Variants in FBXO31 observed in about 807,000 individuals in gnomAD.
FBXO31 encodes the protein F-box only protein 31.
A neutral mutation model predicts 54.4 loss-of-function variants in FBXO31; 24 were observed. The ratio of observed to expected loss-of-function variants is 0.44; its 90% confidence interval spans 0.32 to 0.62. The LOEUF is 0.62. Ranked by LOEUF, FBXO31 falls within the 20% of genes least tolerant of loss-of-function variation. The probability of loss-of-function intolerance (pLI) is 0.05; values close to 1 mark genes in which losing one functional copy is unlikely to be tolerated. For synonymous variants in FBXO31, 388 were observed against 335.6 expected, an observed-to-expected ratio of 1.16 and a Z score of -1.71; for missense variants, 665 against 787.1, an observed-to-expected ratio of 0.84 and a Z score of 1.86.
chr16:87,351,713 A>T (rs1285175707), intron 2 of FBXO31, among the ~76,000 whole-genome samples: 1 of 152,134 alleles, frequency 6.6e-6, no homozygotes, highest in East Asian at 1.9e-4. Context: ...TACTAAAAAT[A>T]AAAAAATTAG....
intron 5 of FBXO31, among the ~76,000 whole-genome samples, chr16:87,339,610 C>T (rs1205087966): frequency 6.6e-6 from 1 of 152,158 alleles, no homozygotes; most frequent in Non-Finnish European, 1.5e-5. Flanking sequence ...TGTCAACTCC[C>T]GGAGGGGGAG....
At chr16:87,390,773 T>C (rs1810807253), upstream of FBXO31, among the ~76,000 whole-genome samples, 1 of 151,990 alleles carries the variant, frequency 6.6e-6, no homozygotes, top group African/African-American at 2.4e-5. Flanking sequence ...TTTTCTTCTT[T>C]TTTGTGGAGG....
intron 1 of FBXO31, among the ~76,000 whole-genome samples, chr16:87,376,808 CT>C (rs1377588769): frequency 1.3e-5 from 2 of 152,214 alleles, no homozygotes; most frequent in East Asian, 3.8e-4. Flanking sequence ...GGGGCCAGCC[CT>C]GTTTCTCACT....
chr16:87,338,762 C>T lies in FBXO31; in HGVS notation c.733-2498G>A, dbSNP rs1308816723. ...CTGTCCAGAGCCTGGCCCCTCCAAC[C>T]TCCCTGGGCAGACAGGACTCCACTC... On this transcript the variant is annotated intron_variant, in intron 5 of 8. Transcript: ENST00000311635. This position sits in a 1 kb window ranked among gnomAD's most constrained non-coding sequence, Gnocchi z 4.3. Among the ~76,000 whole-genome samples, 1 of 152,120 alleles carries T rather than the reference C, an allele frequency of 6.6e-6. No homozygotes were observed. Among genetic ancestry groups the T allele is most frequent in the Admixed American group, 6.5e-5 (1 of 15,284 alleles).
At chr16:87,380,599 G>A (rs1351909130) in intron 1 of FBXO31, among the ~76,000 whole-genome samples, 1 of 152,144 alleles carries the variant, frequency 6.6e-6, no homozygotes, top group South Asian at 2.1e-4. Flanking sequence ...TGTTGCCGAG[G>A]CTGGTCTTGA....
chr16:87,364,595 G>A (rs1029627387), intron 1 of FBXO31, among the ~76,000 whole-genome samples: 2 of 152,134 alleles, frequency 1.3e-5, no homozygotes, highest in African/African-American at 2.4e-5. Context: ...CTGCCCACCC[G>A]TCAGACTGAG....
chr16:87,336,134 C>T lies in FBXO31; in HGVS notation c.842+21G>A. 6.9e-6 allele frequency: 11 copies of T among 1,604,636 alleles called. No homozygotes were observed. The highest frequency in any genetic ancestry group is 9.4e-6 in the Non-Finnish European group (11 of 1,171,584). On this transcript the variant is annotated intron_variant, in intron 6 of 8. Coordinates refer to ENST00000311635, the MANE Select transcript of FBXO31 (RefSeq NM_024735.5). This position sits in a 1 kb window ranked among gnomAD's most constrained non-coding sequence, Gnocchi z 6.5. ...ACACCAGGAGAGGGCTACCCCAGCACCGAGCAGGAGCCGCACTCACTCGTA... is the reference window on the plus strand; with the variant it reads ...ACACCAGGAGAGGGCTACCCCAGCATCGAGCAGGAGCCGCACTCACTCGTA...
Position 87,335,547 on chromosome 16 carries a change from CGGGGTAGGGCGGG to C in FBXO31, c.843-103_843-91del. The C allele has an allele frequency of 1.9e-5, 8 of 416,438 alleles. No individual in the cohort carries two copies. The highest frequency in any genetic ancestry group is 1.3e-4 in the East Asian group (2 of 14,860). The allele number at this position is 416,438 out of a possible 1,614,324, so 25.8% of individuals were successfully genotyped here. A position where few individuals can be genotyped will look rare whatever the true frequency, so the allele number is the denominator to read the frequency against. On this transcript the variant is annotated intron_variant, in intron 6 of 8. Transcript: ENST00000311635. This position sits in a 1 kb window ranked among gnomAD's most constrained non-coding sequence, Gnocchi z 5.7. ...GGTGCCAGGGATGAGCTTTGCAGGG[CGGGGTAGGGCGGG>C]CAGCTCAGCTCAACCAGGGCCAGGT...
chr16:87,333,660 T>C (rs1438761632), intron 8 of FBXO31, among the ~76,000 whole-genome samples: 3 of 151,946 alleles, frequency 2.0e-5, no homozygotes, highest in Admixed American at 2.0e-4. Flanking sequence ...CCAGAAGGGG[T>C]GGAAGGACAG....
intron 1 of FBXO31, among the ~76,000 whole-genome samples, chr16:87,382,053 A>C (rs1907102410): frequency 6.6e-6 from 1 of 151,928 alleles, no homozygotes; most frequent in Non-Finnish European, 1.5e-5. Flanking sequence ...AGTGCATCCC[A>C]CCGAGACAAT....
rs144098720 is a variant in FBXO31 at position 87,374,777 on chromosome 16, TC to T, written c.340+8627del. On this transcript the variant is annotated intron_variant, in intron 1 of 8. Coordinates refer to ENST00000311635, the MANE Select transcript of FBXO31 (RefSeq NM_024735.5). ...AGGGAGGAGTACGCGCCTGAGTCAT[TC>T]CTGTTTTTAAATGTAATCTTTTGTT... Among the ~76,000 whole-genome samples the T allele has an allele frequency of 7.5e-3, 1,142 of 152,322 alleles. 18 individuals carry two copies. The highest frequency in any genetic ancestry group is 0.027 in the African/African-American group (1,103 of 41,570).
At chr16:87,363,180 T>A (rs940905329) in intron 1 of FBXO31, among the ~76,000 whole-genome samples, 4 of 151,886 alleles carry the variant, frequency 2.6e-5, no homozygotes, top group Admixed American at 2.6e-4. Flanking sequence ...AGGTTGGGAG[T>A]TCGAGATCAG....
intron 1 of FBXO31, among the ~76,000 whole-genome samples, chr16:87,379,971 C>G (rs1907000872): frequency 6.6e-6 from 1 of 150,952 alleles, no homozygotes; most frequent in African/African-American, 2.4e-5. Context: ...GCACTCCAGC[C>G]TGGGCAAGAG....
upstream of FBXO31, among the ~76,000 whole-genome samples, chr16:87,387,932 G>T (rs1374013668): frequency 6.6e-6 from 1 of 152,176 alleles, no homozygotes; most frequent in Admixed American, 6.5e-5. Context: ...TGGAAAGAAG[G>T]GAAAATATTC....
chr16:87,383,351 C>T lies in FBXO31; in HGVS notation c.340+54G>A, dbSNP rs1907169302. The T allele has an allele frequency of 6.3e-6, 9 of 1,427,460 alleles. No homozygotes were observed. The highest frequency in any genetic ancestry group is 6.6e-6 in the Non-Finnish European group (7 of 1,059,734). 88.4% of individuals were successfully genotyped at this position (1,427,460 alleles called of 1,614,324 possible). ...CCCGCCACTCCCAGCTCCGAGGCCTCCACCTGGCAGGGACCCCCCGCCCCT... is the reference window on the plus strand; with the variant it reads ...CCCGCCACTCCCAGCTCCGAGGCCTTCACCTGGCAGGGACCCCCCGCCCCT... On this transcript the variant is annotated intron_variant, in intron 1 of 8. Coordinates refer to ENST00000311635, the MANE Select transcript of FBXO31 (RefSeq NM_024735.5). The surrounding 1 kb of genome is among the most constrained non-coding windows in gnomAD (Gnocchi z 4.9).
At chr16:87,373,462 A>G (rs746317259) in intron 1 of FBXO31, among the ~76,000 whole-genome samples, 3 of 152,070 alleles carry the variant, frequency 2.0e-5, no homozygotes, top group Non-Finnish European at 4.4e-5. Flanking sequence ...AAAAAAAATA[A>G]TTATATATAT....
intron 2 of FBXO31, among the ~76,000 whole-genome samples, chr16:87,355,905 T>C (rs530711588): frequency 6.6e-6 from 1 of 152,238 alleles, no homozygotes; most frequent in East Asian, 1.9e-4. Flanking sequence ...CAGAATTCCA[T>C]CCCAGGTCCA....
upstream of FBXO31, among the ~76,000 whole-genome samples, chr16:87,391,352 G>T (rs1225034270): frequency 6.6e-6 from 1 of 152,190 alleles, no homozygotes; most frequent in Admixed American, 6.5e-5. Flanking sequence ...GAGACACATT[G>T]GCCACAGGCT....
At chr16:87,366,729 G>T (rs1443729059) in intron 1 of FBXO31, among the ~76,000 whole-genome samples, 2 of 152,198 alleles carry the variant, frequency 1.3e-5, no homozygotes, top group Admixed American at 6.5e-5. Flanking sequence ...GATCATCCAC[G>T]ATGGGCTGCT....
Sources: allele counts gnomAD v4.1 joint callset (sites outside exome capture counted in the v4.1 genomes callset), GRCh38; gene constraint gnomAD v4.1.1; non-coding constraint Gnocchi (gnomAD v3.1); transcripts MANE v1.5; gene names NCBI Gene and HGNC (gene_info 2026-07-23, HGNC 2026-07-21).